MRAP2: variants seen among roughly 807,000 people sequenced by gnomAD.
MRAP2 encodes melanocortin-2 receptor accessory protein 2.
A neutral mutation model predicts 17.4 loss-of-function variants in MRAP2; 20 were observed. That is an observed-to-expected ratio of 1.15 (90% confidence interval 0.81 to 1.67). The LOEUF (loss-of-function observed/expected upper bound fraction) is 1.67, where lower values mean the gene tolerates loss of function less well. Among genes scored for constraint, MRAP2 ranks in the 40% most tolerant of loss-of-function variants. The pLI is 0.00. For missense variants in MRAP2, 238 were observed against 240.0 expected (o/e 0.99, Z 0.05); for synonymous variants, 96 against 88.4 (o/e 1.09, Z -0.48).
At chr6:84,104,201 C>T in the MRAP2 span, among the ~76,000 whole-genome samples, 5 of 152,214 alleles carry the variant, frequency 3.3e-5, no homozygotes, top group Non-Finnish European at 7.3e-5. Flanking sequence ...TGGCCACTTT[C>T]AGCCATGGCT....
At chr6:84,038,110 C>G (rs1365214068) in intron 1 of MRAP2, among the ~76,000 whole-genome samples, 1 of 152,294 alleles carries the variant, frequency 6.6e-6, no homozygotes, top group Admixed American at 6.5e-5. Context: ...CAAAGGATGT[C>G]TGAAGATGAT....
At chr6:84,122,909 C>T in the MRAP2 span, among the ~76,000 whole-genome samples, 1 of 151,834 alleles carries the variant, frequency 6.6e-6, no homozygotes, top group Non-Finnish European at 1.5e-5. Flanking sequence ...ATATACAAAA[C>T]CCAGTGGAAT....
At chr6:84,080,877 CTTG>C (rs770857404) in intron 3 of MRAP2, among the ~76,000 whole-genome samples, 4 of 152,266 alleles carry the variant, frequency 2.6e-5, no homozygotes, top group African/African-American at 4.8e-5. Context: ...TTAGGTGAGA[CTTG>C]TTGTAACTAT....
At chr6:84,064,970 T>C (rs915214894) in intron 3 of MRAP2, among the ~76,000 whole-genome samples, 2 of 152,112 alleles carry the variant, frequency 1.3e-5, no homozygotes, top group African/African-American at 4.8e-5. Flanking sequence ...TATTTCTAGA[T>C]ATCAGGGGCT....
chr6:84,117,360 TG>T, the MRAP2 span, among the ~76,000 whole-genome samples: 1 of 152,202 alleles, frequency 6.6e-6, no homozygotes, highest in African/African-American at 2.4e-5. Context: ...TGCTGAGTTT[TG>T]GTATCAAGAT....
At chr6:84,133,541 TACCTACTCAAGCCTCAGCA>T in the MRAP2 span, among the ~76,000 whole-genome samples, 3 of 152,180 alleles carry the variant, frequency 2.0e-5, no homozygotes, top group Non-Finnish European at 4.4e-5. Flanking sequence ...CCACTTTGTT[TACCTACTCAAGCCTCAGCA>T]ACGGCGGATG....
intron 2 of MRAP2, among the ~76,000 whole-genome samples, chr6:84,059,434 T>C (rs1332231682): frequency 1.3e-5 from 2 of 152,246 alleles, no homozygotes; most frequent in Non-Finnish European, 2.9e-5. Flanking sequence ...GAAAGTGTCA[T>C]GAACCTCTCT....
At chr6:84,033,707 G>A, upstream of MRAP2, 2 of 985,190 alleles carry the variant, frequency 2.0e-6, no homozygotes, top group Non-Finnish European at 2.4e-6. Flanking sequence ...CTGCTCCGGC[G>A]CCCCGCGCCG....
chr6:84,107,738 A>G, the MRAP2 span, among the ~76,000 whole-genome samples: 1 of 152,358 alleles, frequency 6.6e-6, no homozygotes, highest in African/African-American at 2.4e-5. Context: ...TACCAGCTGA[A>G]AGCAAACTGT....
At chr6:84,113,485 C>G in the MRAP2 span, among the ~76,000 whole-genome samples, 1 of 152,160 alleles carries the variant, frequency 6.6e-6, no homozygotes, top group East Asian at 1.9e-4. Flanking sequence ...TGTCTCTGCA[C>G]GTGACATGGG....
chr6:84,050,198 A>T (rs1011453304), intron 1 of MRAP2, among the ~76,000 whole-genome samples: 1 of 152,172 alleles, frequency 6.6e-6, no homozygotes, highest in Admixed American at 6.5e-5. Flanking sequence ...TTCACAGAAA[A>T]AGAATCAGCA....
At chr6:84,063,203 T>C (rs2099493636) in intron 3 of MRAP2, 13 of 985,418 alleles carry the variant, frequency 1.3e-5, no homozygotes, top group Non-Finnish European at 1.6e-5. Context: ...AAGTGGACTT[T>C]TATGAAATTG....
In MRAP2 at chr6:84,076,559, C is replaced by T. The variant is rs573465128; in HGVS notation, c.228-12532C>T. Among the ~76,000 whole-genome samples, 21 of 152,228 alleles carry T rather than the reference C, an allele frequency of 1.4e-4. No individual in the cohort carries two copies. The East Asian group carries it at 4.1e-3, about 29-fold the overall frequency. The stretch of plus-strand genomic sequence containing the variant: ...ATTTTTAGTAGAGACAGGGTTTCAC[C>T]ACGTTGCCCAGGCTGGTCCCAAACT... On this transcript the variant is annotated intron_variant, in intron 3 of 3. Coordinates refer to ENST00000257776, the MANE Select transcript of MRAP2 (RefSeq NM_138409.4).
the MRAP2 span, among the ~76,000 whole-genome samples, chr6:84,140,751 C>T: frequency 9.8e-4 from 149 of 152,234 alleles, 8 homozygotes; most frequent in South Asian, 0.03. Context: ...TTTCAAACTC[C>T]TGGCCTTGGG....
chr6:84,112,843 T>C, the MRAP2 span, among the ~76,000 whole-genome samples: 1 of 152,240 alleles, frequency 6.6e-6, no homozygotes, highest in Non-Finnish European at 1.5e-5. Context: ...TATTTCTGCC[T>C]TAATTTTGTT....
chr6:84,063,395 C>G, intron 3 of MRAP2: 1 of 985,320 alleles, frequency 1.0e-6, no homozygotes, highest in South Asian at 4.7e-5. Context: ...AAAATTATTT[C>G]AAGAAGCAGA....
At chr6:84,134,085 G>C in the MRAP2 span, among the ~76,000 whole-genome samples, 1 of 152,178 alleles carries the variant, frequency 6.6e-6, no homozygotes, top group South Asian at 2.1e-4. Flanking sequence ...GAGGCATTCC[G>C]GCTATGGCGG....
intron 1 of MRAP2, among the ~76,000 whole-genome samples, chr6:84,043,866 G>T (rs2099488297): frequency 6.6e-6 from 1 of 152,104 alleles, no homozygotes; most frequent in Non-Finnish European, 1.5e-5. Context: ...TAATTTTACT[G>T]TGTTCAAAAC....
rs556211092 is a variant in MRAP2, at chr6:84,040,453, G to A, written c.-8+6570G>A. 4.6e-5 allele frequency among the ~76,000 whole-genome samples: 7 copies of A among 152,314 alleles called. No homozygotes were observed. In the East Asian group the frequency reaches 1.2e-3, roughly 25 times the overall value. On this transcript the variant is annotated intron_variant, in intron 1 of 3. Coordinates refer to ENST00000257776, the MANE Select transcript of MRAP2 (RefSeq NM_138409.4). The stretch of plus-strand genomic sequence containing the variant: ...GAAGCGACTTTGGAACTGGGTAATG[G>A]GCAGAGGTTGGAACAGTTTGGAAGG...
Sources: allele counts gnomAD v4.1 joint callset (sites outside exome capture counted in the v4.1 genomes callset), GRCh38; gene constraint gnomAD v4.1.1; transcripts MANE v1.5; gene names NCBI Gene and HGNC (gene_info 2026-07-23, HGNC 2026-07-21).